PODNL1: variants seen among roughly 807,000 people sequenced by gnomAD.
PODNL1 encodes the protein podocan-like protein 1.
A neutral mutation model predicts 45.1 loss-of-function variants in PODNL1; 50 were observed. The ratio of observed to expected loss-of-function variants is 1.11; its 90% CI spans 0.88 to 1.40. The LOEUF (loss-of-function observed/expected upper bound fraction) is 1.40, where lower values mean the gene tolerates loss of function less well. Ranked by LOEUF, PODNL1 falls within the 40% of genes most tolerant of loss-of-function variation. The pLI, the probability that PODNL1 is intolerant of heterozygous loss-of-function variation, is 0.00. For missense variants in PODNL1, 788 were observed against 793.3 expected (o/e 0.99, Z 0.08); for synonymous variants, 406 against 372.5 (o/e 1.09, Z -1.04).
chr19:13,933,004 C>T lies in PODNL1; in HGVS notation c.1219G>A (p.Asp407Asn), dbSNP rs767929128. The T allele has an allele frequency of 2.7e-5, 41 of 1,543,224 alleles. No individual in the cohort carries two copies. Among genetic ancestry groups the T allele is most frequent in the South Asian group, 1.1e-4 (9 of 84,720 alleles). The change falls in exon 8 of 10, where the codon GAC becomes AAC. Residue 407 changes from aspartate to asparagine, a missense_variant. By Grantham distance (23) the Asp-to-Asn change is conservative. Around this residue, in one of 3 missense-constraint regions of PODNL1, gnomAD observed 762 missense variants for 750.9 expected, o/e 1.01. Transcript: ENST00000588872. The surrounding 1 kb of genome is among the most constrained non-coding windows in gnomAD (Gnocchi z 5.2). ...FRRLRALRSLDLAGNQLTRLP... is the reference protein window; with the variant it reads ...FRRLRALRSLNLAGNQLTRLP... Reference sequence around the variant, plus strand: ...CGGGTTAGCTGATTCCCTGCCAGGTCGAGGCTGCGCAGGGCACGCAACCGG... The same window carrying T: ...CGGGTTAGCTGATTCCCTGCCAGGTTGAGGCTGCGCAGGGCACGCAACCGG...
upstream of PODNL1, among the ~76,000 whole-genome samples, chr19:13,939,147 C>T (rs1242082944): frequency 6.6e-6 from 1 of 152,154 alleles, no homozygotes; most frequent in African/African-American, 2.4e-5. Flanking sequence ...GATTGACAGG[C>T]TGGGTGCTGG....
intron 3 of PODNL1, 87 bp downstream of exon 3, chr19:13,936,280 C>A (rs535410581): frequency 6.0e-6 from 8 of 1,322,576 alleles, no homozygotes; most frequent in South Asian, 2.5e-5. Flanking sequence ...CAGAGCTGCC[C>A]GCAGATGGGG....
chr19:13,937,891 G>T lies in PODNL1; in HGVS notation c.119C>A (p.Pro40His). The change falls in exon 2 of 10, where the codon CCC becomes CAC. Residue 40 changes from proline to histidine, a missense_variant. Around this residue, in one of 3 missense-constraint regions of PODNL1, gnomAD observed 762 missense variants for 750.9 expected, o/e 1.01. Coordinates refer to ENST00000588872, the MANE Select transcript of PODNL1 (RefSeq NM_001370095.3). ...GACTCGGGGGCAGGAGCAGCGCAGG[G>T]GACAGGCCCGGGGCAGGGGCTGCAA... ...ESLQPLPRAC[P>H]LRCSCPRVDT... The T allele has an allele frequency of 1.3e-6, 2 of 1,574,988 alleles. No homozygotes were observed. Among genetic ancestry groups the T allele is most frequent in the East Asian group, 2.3e-5 (1 of 43,398 alleles).
intron 6 of PODNL1, 59 bp from the exon 7 acceptor site, chr19:13,934,052 A>T: frequency 6.7e-7 from 1 of 1,488,028 alleles, no homozygotes. Flanking sequence ...GGGAAGCCAC[A>T]GACGGCTCTT....
chr19:13,936,641 C>G (rs1411200831), intron 2 of PODNL1, among the ~76,000 whole-genome samples, 181 bp from the exon 3 acceptor site: 1 of 141,020 alleles, frequency 7.1e-6, no homozygotes, highest in Non-Finnish European at 1.5e-5. Context: ...AAACCCCAAA[C>G]CCCCACAATC....
At chr19:13,946,321 T>C (rs995685938) in intron 1 of PODNL1, among the ~76,000 whole-genome samples, 6 of 151,824 alleles carry the variant, frequency 4.0e-5, no homozygotes, top group South Asian at 2.1e-4. Context: ...CCCAGCTTAC[T>C]TGGGAGGCTG....
Position 13,938,016 on chromosome 19 carries a change from A to AG in PODNL1, c.4-11dup. ...GCAGCAGGCTCGGCCACTGCGGGGG[A>AG]GGGAGGGTCAGCGTGTCTCCAGGCT... On this transcript the variant is annotated splice_polypyrimidine_tract_variant and intron_variant, in intron 1 of 9. Coordinates refer to ENST00000588872, the MANE Select transcript of PODNL1 (RefSeq NM_001370095.3). 3 of 1,501,904 alleles carry AG rather than the reference A, an allele frequency of 2.0e-6. No homozygotes were observed. The highest frequency in any genetic ancestry group is 2.7e-6 in the Non-Finnish European group (3 of 1,113,766). The allele number at this position is 1,501,904 out of a possible 1,614,324, so 93.0% of individuals were successfully genotyped here.
In PODNL1 at chr19:13,936,025, G is replaced by A. The variant is rs747202109; in HGVS notation, c.339C>T (p.Phe113=). The change falls in exon 4 of 10, where the codon TTC becomes TTT. Residue 113 remains phenylalanine, a synonymous_variant. Transcript: ENST00000588872. ...GGTGCTGCAGCTGGGTGAGGGACTC[G>A]AAGGCCTCGTCAGGCAGGCCTGGGA... ...ISSEGLPDEA[F]ESLTQLQHLC... 1.1e-5 allele frequency: 17 copies of A among 1,551,634 alleles called. No individual in the cohort carries two copies. In the Admixed American group the frequency reaches 1.2e-4, roughly 11 times the overall value.
At chr19:13,936,651 C>A (rs1164862494) in intron 2 of PODNL1, among the ~76,000 whole-genome samples, 191 bp from the exon 3 acceptor site, 1 of 145,552 alleles carries the variant, frequency 6.9e-6, no homozygotes, top group Non-Finnish European at 1.5e-5. Flanking sequence ...CCCCCACAAT[C>A]GACCCCAAAT....
rs751682655 is a variant in PODNL1, at chr19:13,933,359, G to A, written c.864C>T (p.Gly288=). Residue 288 remains glycine, a synonymous_variant, in exon 8 of 10, where the codon GGC becomes GGT. Transcript: ENST00000588872. This position sits in a 1 kb window ranked among gnomAD's most constrained non-coding sequence, Gnocchi z 5.2. ...CCTCCACCTGCCGGATGCGGTTGCGGCCCAGGTGCAGGATAGCCAGGGTCC... is the reference window on the plus strand; with the variant it reads ...CCTCCACCTGCCGGATGCGGTTGCGACCCAGGTGCAGGATAGCCAGGGTCC... ...LPRTLAILHL[G]RNRIRQVEAA... is the part of the protein sequence containing the mutation. 3.4e-5 allele frequency: 55 copies of A among 1,607,732 alleles called. No homozygotes were observed. The highest frequency in any genetic ancestry group is 3.3e-4 in the Middle Eastern group (2 of 6,072).
chr19:13,952,681 G>A (rs1255162838), intron 1 of PODNL1: 16 of 1,294,660 alleles, frequency 1.2e-5, no homozygotes, highest in Non-Finnish European at 1.5e-5. Flanking sequence ...CGCGCCGGAG[G>A]GTGGGGAGTA....
In PODNL1 at chr19:13,933,733, T is replaced by C; in HGVS notation, c.767+145A>G. On this transcript the variant is annotated intron_variant, in intron 7 of 9. Coordinates refer to ENST00000588872, the MANE Select transcript of PODNL1 (RefSeq NM_001370095.3). This position sits in a 1 kb window ranked among gnomAD's most constrained non-coding sequence, Gnocchi z 5.2. Reference sequence around the variant, plus strand: ...CAGGGCTGTGGGGAACAGGGACACCTACCCAGTGCTCTGCCGAGCCCAGTG... The same window carrying C: ...CAGGGCTGTGGGGAACAGGGACACCCACCCAGTGCTCTGCCGAGCCCAGTG... 1.4e-6 allele frequency: 1 copy of C among 726,902 alleles called. No individual in the cohort carries two copies. The highest frequency in any genetic ancestry group is 2.7e-5 in the East Asian group (1 of 37,000). The allele number at this position is 726,902 out of a possible 1,614,324, so 45.0% of individuals were successfully genotyped here.
chr19:13,952,143 C>T (rs1313326527), intron 1 of PODNL1, among the ~76,000 whole-genome samples: 1 of 152,264 alleles, frequency 6.6e-6, no homozygotes, highest in East Asian at 1.9e-4. Context: ...GGACCACAGG[C>T]TCCCGTCGCC....
chr19:13,951,618 CA>C (rs1181976657), intron 1 of PODNL1, among the ~76,000 whole-genome samples: 1 of 152,112 alleles, frequency 6.6e-6, no homozygotes, highest in Non-Finnish European at 1.5e-5. Flanking sequence ...ACTAAAAATA[CA>C]AAAAATTAGG....
chr19:13,933,572 G>C lies in PODNL1; in HGVS notation c.768-117C>G. On this transcript the variant is annotated intron_variant, in intron 7 of 9. Transcript: ENST00000588872. This position sits in a 1 kb window ranked among gnomAD's most constrained non-coding sequence, Gnocchi z 5.2. ...AGATTTAAGCTGGAGATTTTGACTT[G>C]GGAGTGATGCGTGGAGAGAGCTGGG... 1 of 1,167,668 alleles carries C rather than the reference G, an allele frequency of 8.6e-7. No homozygotes were observed. The highest frequency in any genetic ancestry group is 1.2e-6 in the Non-Finnish European group (1 of 848,884). 72.3% of individuals were successfully genotyped at this position (1,167,668 alleles called of 1,614,324 possible).
At chr19:13,934,864 T>G (rs554874035) in intron 5 of PODNL1, among the ~76,000 whole-genome samples, 4 of 152,170 alleles carry the variant, frequency 2.6e-5, no homozygotes, top group South Asian at 4.1e-4. Context: ...TGATTGTGTG[T>G]GTGCAGCCGA....
rs1300268080 is a variant in PODNL1 at position 13,938,190 on chromosome 19, C to G, written c.-9G>C. ...GTGCCCCACCTTACCATGGCCAGCC[C>G]TGACTCTGCCATCTCGCCCAAGCTG... On this transcript the variant is annotated 5_prime_UTR_variant, in exon 1 of 10. Coordinates refer to ENST00000588872, the MANE Select transcript of PODNL1 (RefSeq NM_001370095.3). The G allele has an allele frequency of 6.2e-7, 1 of 1,608,176 alleles. No individual in the cohort carries two copies. The highest frequency in any genetic ancestry group is 1.3e-5 in the African/African-American group (1 of 74,848).
intron 1 of PODNL1, among the ~76,000 whole-genome samples, chr19:13,949,872 AT>A (rs137932219): frequency 4.0e-5 from 6 of 148,574 alleles, no homozygotes; most frequent in Admixed American, 6.7e-5. Flanking sequence ...TTATTTATTT[AT>A]TTTTTTTTTG....
At position 13,936,428 on chromosome 19, in the gene PODNL1, C is replaced by CAG; in HGVS notation, c.257_258insCT (p.Glu86AspfsTer66). 1 of 1,613,486 alleles carries CAG rather than the reference C, an allele frequency of 6.2e-7. No individual in the cohort carries two copies. The highest frequency in any genetic ancestry group is 8.5e-7 in the Non-Finnish European group (1 of 1,179,654). ...TTCGCAGGCCACTGAGGCGGGACAGCTCATTGTAGGGGAGTTCCTGGAGCT... is the reference window on the plus strand; with the variant it reads ...TTCGCAGGCCACTGAGGCGGGACAGCAGTCATTGTAGGGGAGTTCCTGGAGCT... On this transcript the variant is annotated frameshift_variant, in exon 3 of 10. Coordinates refer to ENST00000588872, the MANE Select transcript of PODNL1 (RefSeq NM_001370095.3). LOFTEE classifies it high-confidence loss of function.
Sources: allele counts gnomAD v4.1 joint callset (sites outside exome capture counted in the v4.1 genomes callset), GRCh38; gene constraint gnomAD v4.1.1; regional missense constraint gnomAD v4.1.1; non-coding constraint Gnocchi (gnomAD v3.1); transcripts MANE v1.5; gene names NCBI Gene and HGNC (gene_info 2026-07-23, HGNC 2026-07-21).